The following PCDHGA3 variants were observed in gnomAD, a reference collection of about 807,000 sequenced individuals.
The protein encoded by PCDHGA3 is protocadherin gamma-A3.
PCDHGA3 carries 40 observed loss-of-function variants against 58.5 expected under a neutral mutation model. That is an observed-to-expected ratio of 0.68 (90% CI 0.53 to 0.89). The LOEUF (loss-of-function observed/expected upper bound fraction) is 0.89. PCDHGA3 is among the 40% of genes least tolerant of loss of function. The pLI is 0.00. For missense variants in PCDHGA3, 1,223 were observed against 1,195.9 expected, an observed-to-expected ratio of 1.02 and a Z score of -0.33; for synonymous variants, 530 against 525.7, an observed-to-expected ratio of 1.01 and a Z score of -0.11.
intron 1 of PCDHGA3, chr5:141,389,633 C>T: frequency 1.2e-6 from 2 of 1,613,016 alleles, no homozygotes; most frequent in Non-Finnish European, 1.7e-6. Flanking sequence ...CAGAGCCTGG[C>T]TACTTGGTGA....
intron 1 of PCDHGA3, among the ~76,000 whole-genome samples, chr5:141,439,259 G>A (rs1172204848): frequency 6.6e-6 from 1 of 151,900 alleles, no homozygotes; most frequent in African/African-American, 2.4e-5. Context: ...TGAAGATTCA[G>A]CCAACAGTTC....
At position 141,489,077 on chromosome 5, in the gene PCDHGA3, C is replaced by T. The variant is rs957205894; in HGVS notation, c.2425-5730C>T. 7 of 325,682 alleles carry T rather than the reference C, an allele frequency of 2.1e-5. 1 individual carries two copies. Among genetic ancestry groups the T allele is most frequent in the South Asian group, 1.5e-4 (3 of 20,214 alleles). 20.2% of individuals were successfully genotyped at this position (325,682 alleles called of 1,614,324 possible). The stretch of plus-strand genomic sequence containing the variant: ...AGCTCCCCTCCCCCCTGCCCACCCC[C>T]GCCACTCGGTGACTAAGAACTGCTG... On this transcript the variant is annotated intron_variant, in intron 1 of 3. Transcript: ENST00000253812. This position sits in a 1 kb window ranked among gnomAD's most constrained non-coding sequence, Gnocchi z 4.5.
chr5:141,351,870 C>A lies in PCDHGA3; in HGVS notation c.2424+5413C>A, dbSNP rs545715349. ...CAGGCCAGGGACCAGGGCTCCCCCG[C>A]GCTCAGCGCCAACGTGAGCCTGCGC... is the stretch of plus-strand genomic sequence containing the variant. On this transcript the variant is annotated intron_variant, in intron 1 of 3. Coordinates refer to ENST00000253812, the MANE Select transcript of PCDHGA3 (RefSeq NM_018916.4). The A allele has an allele frequency of 3.4e-5, 55 of 1,613,282 alleles. No individual in the cohort carries two copies. The East Asian group carries it at 1.1e-3, about 33-fold the overall frequency.
chr5:141,432,250 A>C lies in PCDHGA3; in HGVS notation c.2425-62557A>C, dbSNP rs777728825. ...ATTCCCTGGCTGAGAACACCATCCA[A>C]GGGGCAAGCCTATCGTCCTACGTGT... On this transcript the variant is annotated intron_variant, in intron 1 of 3. Coordinates refer to ENST00000253812, the MANE Select transcript of PCDHGA3 (RefSeq NM_018916.4). This position sits in a 1 kb window ranked among gnomAD's most constrained non-coding sequence, Gnocchi z 6.0. 2 of 1,614,116 alleles carry C rather than the reference A, an allele frequency of 1.2e-6. No homozygotes were observed. The highest frequency in any genetic ancestry group is 1.7e-6 in the Non-Finnish European group (2 of 1,180,062).
intron 1 of PCDHGA3, chr5:141,365,344 G>A: frequency 6.2e-7 from 1 of 1,613,966 alleles, no homozygotes; most frequent in South Asian, 1.1e-5. Context: ...TCACAGTACA[G>A]GACGTGAATG....
At position 141,511,622 on chromosome 5, in the gene PCDHGA3, A is replaced by G; in HGVS notation, c.*449A>G. 4.3e-6 allele frequency: 1 copy of G among 232,852 alleles called. No individual in the cohort carries two copies. The highest frequency in any genetic ancestry group is 8.7e-6 in the Non-Finnish European group (1 of 114,994). The allele number at this position is 232,852 out of a possible 1,614,324, so 14.4% of individuals were successfully genotyped here. A position where few individuals can be genotyped will look rare whatever the true frequency, so the allele number is the denominator to read the frequency against. On this transcript the variant is annotated 3_prime_UTR_variant, in exon 4 of 4. Transcript: ENST00000253812. ...AACCTACAAGCCTCCTAGTTCTGAA[A>G]AGTTGGAAGGGCATCATGACCTCTT...
At chr5:141,400,360 C>T (rs1327384409) in intron 1 of PCDHGA3, 2 of 1,614,030 alleles carry the variant, frequency 1.2e-6, no homozygotes, top group East Asian at 2.2e-5. Context: ...GGGGACTTTG[C>T]CTTATTCCTA....
intron 1 of PCDHGA3, chr5:141,427,962 G>T: frequency 2.5e-6 from 4 of 1,590,100 alleles, no homozygotes; most frequent in Non-Finnish European, 3.4e-6. Flanking sequence ...TGTGCCGCGG[G>T]TGCTGTACCC....
intron 1 of PCDHGA3, chr5:141,397,930 G>C (rs898785209): frequency 5.2e-6 from 4 of 775,998 alleles, no homozygotes; most frequent in Non-Finnish European, 8.1e-6. Flanking sequence ...TCGCGCAGCC[G>C]CAGCGCGCTT....
In PCDHGA3 at chr5:141,487,636, AC is replaced by A. The variant is rs1562120737; in HGVS notation, c.2425-7170del. On this transcript the variant is annotated intron_variant, in intron 1 of 3. Coordinates refer to ENST00000253812, the MANE Select transcript of PCDHGA3 (RefSeq NM_018916.4). The surrounding 1 kb of genome is among the most constrained non-coding windows in gnomAD (Gnocchi z 5.0). ...TAGAGGTGAGACCTTTGCAGGCTCA[AC>A]AAATGCTTGAGGGTTATTCTGATCC... 1 of 1,614,192 alleles carries A rather than the reference AC, an allele frequency of 6.2e-7. No individual in the cohort carries two copies. The highest frequency in any genetic ancestry group is 2.2e-5 in the East Asian group (1 of 44,886).
chr5:141,413,517 G>A (rs1561743187), intron 1 of PCDHGA3: 1 of 1,613,946 alleles, frequency 6.2e-7, no homozygotes. Flanking sequence ...ATATCCTTGT[G>A]GAAGACAGGG....
chr5:141,356,674 G>A, intron 1 of PCDHGA3: 4 of 1,613,934 alleles, frequency 2.5e-6, no homozygotes, highest in Non-Finnish European at 2.5e-6. Flanking sequence ...TTACTCCCTG[G>A]CCGAAGACAC....
At chr5:141,405,156 T>C in intron 1 of PCDHGA3, 1 of 1,614,042 alleles carries the variant, frequency 6.2e-7, no homozygotes, top group Non-Finnish European at 8.5e-7. Flanking sequence ...TTGGCTGGTG[T>C]GCCCACCTCA....
intron 1 of PCDHGA3, chr5:141,356,089 C>T (rs1490232734): frequency 1.2e-6 from 2 of 1,613,748 alleles, no homozygotes; most frequent in Admixed American, 3.3e-5. Context: ...GTTGAATTCT[C>T]TGAGTGGGGA....
At chr5:141,480,956 C>G (rs2099528870) in intron 1 of PCDHGA3, among the ~76,000 whole-genome samples, 1 of 152,064 alleles carries the variant, frequency 6.6e-6, no homozygotes, top group South Asian at 2.1e-4. Flanking sequence ...GAGGCGGAAG[C>G]ATCAGTGAGG....
chr5:141,433,460 T>C (rs892333304), intron 1 of PCDHGA3, among the ~76,000 whole-genome samples: 1 of 152,064 alleles, frequency 6.6e-6, no homozygotes, highest in Non-Finnish European at 1.5e-5. Context: ...GATCTGAAAC[T>C]TGGGCTCAGG....
At position 141,389,700 on chromosome 5, in the gene PCDHGA3, G is replaced by A. The variant is rs534784537; in HGVS notation, c.2424+43243G>A. On this transcript the variant is annotated intron_variant, in intron 1 of 3. Coordinates refer to ENST00000253812, the MANE Select transcript of PCDHGA3 (RefSeq NM_018916.4). ...ACACAACGCCTGGCTGTCCTACCAC[G>A]TGCTGCAGGCTAGCGAGCCCGGGCT... 11 of 1,612,578 alleles carry A rather than the reference G, an allele frequency of 6.8e-6. No homozygotes were observed. The South Asian group carries it at 1.1e-4, about 16-fold the overall frequency.
intron 1 of PCDHGA3, chr5:141,385,009 T>G: frequency 6.2e-7 from 1 of 1,614,140 alleles, no homozygotes; most frequent in Non-Finnish European, 8.5e-7. Flanking sequence ...CTCCTGCGTC[T>G]TCCTAGCCTT....
intron 1 of PCDHGA3, among the ~76,000 whole-genome samples, chr5:141,405,902 G>A (rs777584362): frequency 2.6e-5 from 4 of 152,084 alleles, no homozygotes; most frequent in Non-Finnish European, 4.4e-5. Flanking sequence ...CTGAAAGGAG[G>A]CATTTATTAG....
Sources: gnomAD v4.1 joint callset for allele counts (sites outside exome capture counted in the v4.1 genomes callset) on GRCh38, gnomAD v4.1.1 for gene constraint, Gnocchi (gnomAD v3.1) non-coding constraint, MANE v1.5 for transcripts, NCBI Gene and HGNC (gene_info 2026-07-23, HGNC 2026-07-21) for gene names.